Variants in MRPL1 observed in about 807,000 individuals in gnomAD.
MRPL1 encodes the protein mitochondrial ribosomal protein L1, also known as large ribosomal subunit protein uL1m.
In MRPL1, 28 loss-of-function variants were observed where a neutral mutation model predicts 38.0. The observed-to-expected ratio is 0.74, with a 90% confidence interval of 0.55 to 1.01. MRPL1 has a LOEUF of 1.01. Among genes scored for constraint, MRPL1 ranks in the 50% least tolerant of loss-of-function variants. The probability of loss-of-function intolerance (pLI) is 0.00; values close to 1 mark genes in which losing one functional copy is unlikely to be tolerated. For synonymous variants in MRPL1, 123 were observed against 126.7 expected (o/e 0.97, Z 0.20); for missense variants, 358 against 389.8 (o/e 0.92, Z 0.69).
chr4:77,929,583 G>A (rs1420883119), intron 7 of MRPL1, among the ~76,000 whole-genome samples: 1 of 152,058 alleles, frequency 6.6e-6, no homozygotes, highest in Non-Finnish European at 1.5e-5. Context: ...TCCCATTACA[G>A]ATTTTGGCAA....
intron 3 of MRPL1, among the ~76,000 whole-genome samples, 154 bp from the exon 4 acceptor site, chr4:77,885,102 G>T (rs1454621444): frequency 6.6e-6 from 1 of 152,078 alleles, no homozygotes; most frequent in Admixed American, 6.6e-5. Context: ...AGTAATTCAT[G>T]AATAGTAATC....
intron 1 of MRPL1, 29 bp downstream of exon 1, chr4:77,862,908 A>C (rs759374332): frequency 1.4e-5 from 22 of 1,613,818 alleles, no homozygotes; most frequent in Non-Finnish European, 1.9e-5. Flanking sequence ...TTGCAGGGGA[A>C]ATGGCTCTGG....
At chr4:77,893,477 T>A (rs1735848903) in intron 5 of MRPL1, among the ~76,000 whole-genome samples, 1 of 151,902 alleles carries the variant, frequency 6.6e-6, no homozygotes, top group Admixed American at 6.6e-5. Context: ...TGTAGTAGTA[T>A]AATAGTTATT....
At chr4:77,947,162 A>C (rs1737290003) in intron 7 of MRPL1, among the ~76,000 whole-genome samples, 1 of 152,216 alleles carries the variant, frequency 6.6e-6, no homozygotes, top group Admixed American at 6.5e-5. Flanking sequence ...GTGTCCACTG[A>C]GCCACTACCC....
At chr4:77,879,035 G>A (rs1471482620) in intron 2 of MRPL1, among the ~76,000 whole-genome samples, 2 of 152,142 alleles carry the variant, frequency 1.3e-5, no homozygotes, top group African/African-American at 2.4e-5. Flanking sequence ...CTGCAGCTAA[G>A]TTCTGTTCTC....
At chr4:77,898,670 T>C (rs1383786240) in intron 6 of MRPL1, among the ~76,000 whole-genome samples, 1 of 151,960 alleles carries the variant, frequency 6.6e-6, no homozygotes, top group Non-Finnish European at 1.5e-5. Context: ...TTTTTTGTAT[T>C]TTTAGTAGAG....
At chr4:77,896,210 AC>A (rs139496862) in intron 6 of MRPL1, among the ~76,000 whole-genome samples, 11,861 of 147,594 alleles carry the variant, frequency 0.08, 722 homozygotes, top group African/African-American at 0.16. Flanking sequence ...AATATTTGGA[AC>A]CTTTTTTAGT....
chr4:77,897,931 A>T (rs1410750325), intron 6 of MRPL1, among the ~76,000 whole-genome samples: 1 of 152,182 alleles, frequency 6.6e-6, no homozygotes, highest in Non-Finnish European at 1.5e-5. Flanking sequence ...AGGTACTGTT[A>T]CAATTGTTGT....
chr4:77,917,388 C>T (rs770961495), intron 7 of MRPL1, among the ~76,000 whole-genome samples: 4 of 152,154 alleles, frequency 2.6e-5, no homozygotes, highest in Admixed American at 6.5e-5. Context: ...TTGCTAACTA[C>T]TGAAAAGAAA....
At chr4:77,882,946 G>A (rs1735578752) in intron 2 of MRPL1, among the ~76,000 whole-genome samples, 1 of 152,164 alleles carries the variant, frequency 6.6e-6, no homozygotes, top group African/African-American at 2.4e-5. Flanking sequence ...CTCTGATGAT[G>A]CTCTTGTATT....
chr4:77,871,778 G>C lies in MRPL1; in HGVS notation c.66G>C (p.Lys22Asn). Reference sequence around the variant, plus strand: ...ATCATCAAAGGCATAGCCTTTCCAAGATGGTTTATCAGACATCACTTTGTT... The same window carrying C: ...ATCATCAAAGGCATAGCCTTTCCAACATGGTTTATCAGACATCACTTTGTT... ...LIHHQRHSLS[K>N]MVYQTSLCSC... Residue 22 changes from lysine to asparagine, a missense_variant, in exon 2 of 9, where the codon AAG becomes AAC. Transcript: ENST00000315567. 1 of 1,592,880 alleles carries C rather than the reference G, an allele frequency of 6.3e-7. No homozygotes were observed. Among genetic ancestry groups the C allele is most frequent in the Non-Finnish European group, 8.5e-7 (1 of 1,173,330 alleles).
chr4:77,891,349 GT>G (rs797018478), intron 5 of MRPL1, among the ~76,000 whole-genome samples: 2,113 of 125,112 alleles, frequency 0.017, 26 homozygotes, highest in African/African-American at 0.039. Flanking sequence ...AGTTTTTTTT[GT>G]TTTTTTTTTT....
At chr4:77,918,738 T>G (rs1320613518) in intron 7 of MRPL1, among the ~76,000 whole-genome samples, 1 of 152,116 alleles carries the variant, frequency 6.6e-6, no homozygotes, top group Non-Finnish European at 1.5e-5. Context: ...CCTAAAGGAA[T>G]AAGAAAATAG....
At chr4:77,910,640 AGGC>A (rs1194298619) in intron 7 of MRPL1, among the ~76,000 whole-genome samples, 12 of 152,206 alleles carry the variant, frequency 7.9e-5, no homozygotes, top group African/African-American at 2.9e-4. Flanking sequence ...TATGTTGCCC[AGGC>A]TGGCCTCAAA....
At chr4:77,890,507 A>G (rs1245341424) in intron 5 of MRPL1, among the ~76,000 whole-genome samples, 1 of 152,256 alleles carries the variant, frequency 6.6e-6, no homozygotes, top group Non-Finnish European at 1.5e-5. Context: ...AGAGCTATTT[A>G]TGACAAACCC....
chr4:77,863,710 G>A (rs1225560491), intron 1 of MRPL1, among the ~76,000 whole-genome samples: 1 of 152,012 alleles, frequency 6.6e-6, no homozygotes, highest in African/African-American at 2.4e-5. Flanking sequence ...CAGGTGATCC[G>A]CCCTCCTCGG....
intron 1 of MRPL1, among the ~76,000 whole-genome samples, chr4:77,866,826 C>T (rs1422519507): frequency 2.0e-5 from 3 of 151,486 alleles, no homozygotes; most frequent in Non-Finnish European, 4.4e-5. Context: ...CGGCTCACTG[C>T]AACCTCCGCC....
chr4:77,922,964 A>G (rs979357591), intron 7 of MRPL1, among the ~76,000 whole-genome samples: 2 of 152,206 alleles, frequency 1.3e-5, no homozygotes, highest in African/African-American at 2.4e-5. Flanking sequence ...CTGCATATAG[A>G]TAGTTCTTAA....
At chr4:77,890,438 C>A (rs1441344095) in intron 5 of MRPL1, among the ~76,000 whole-genome samples, 1 of 152,100 alleles carries the variant, frequency 6.6e-6, no homozygotes, top group Non-Finnish European at 1.5e-5. Flanking sequence ...ATTCAACAGC[C>A]CTTCATGCTA....
Sources: allele counts gnomAD v4.1 joint callset (sites outside exome capture counted in the v4.1 genomes callset), GRCh38; gene constraint gnomAD v4.1.1; transcripts MANE v1.5; gene names NCBI Gene and HGNC (gene_info 2026-07-23, HGNC 2026-07-21).